PDE4B: variants seen among roughly 807,000 people sequenced by gnomAD.
The protein encoded by PDE4B is 3',5'-cyclic-AMP phosphodiesterase 4B.
A neutral mutation model predicts 82.2 loss-of-function variants in PDE4B; 20 were observed. The observed-to-expected ratio is 0.24, with a 90% confidence interval of 0.17 to 0.35. PDE4B has a LOEUF of 0.35. PDE4B is among the 10% of genes least tolerant of loss of function. The probability of loss-of-function intolerance (pLI) is 1.00; values close to 1 mark genes in which losing one functional copy is unlikely to be tolerated. For missense variants in PDE4B, 655 were observed against 907.2 expected, an observed-to-expected ratio of 0.72 and a Z score of 3.57; for synonymous variants, 320 against 318.9, an observed-to-expected ratio of 1.00 and a Z score of -0.04.
At chr1:65,817,180 C>G (rs142535595) in intron 1 of PDE4B, among the ~76,000 whole-genome samples, 504 of 152,198 alleles carry the variant, frequency 3.3e-3, no homozygotes, top group African/African-American at 9.2e-3. Flanking sequence ...GACAATCTCT[C>G]CCAGTTAAGT....
At chr1:66,135,103 C>T (rs1646030141) in intron 3 of PDE4B, among the ~76,000 whole-genome samples, 1 of 152,238 alleles carries the variant, frequency 6.6e-6, no homozygotes, top group Non-Finnish European at 1.5e-5. Flanking sequence ...AATGAACAGA[C>T]AGTGAAGCAG....
At chr1:66,189,700 T>C (rs924992673) in intron 3 of PDE4B, among the ~76,000 whole-genome samples, 2 of 152,228 alleles carry the variant, frequency 1.3e-5, no homozygotes, top group African/African-American at 4.8e-5. Flanking sequence ...CTTTAAGGAC[T>C]TCTCTGCATT....
intron 3 of PDE4B, among the ~76,000 whole-genome samples, chr1:66,095,817 A>G (rs977789984): frequency 2.0e-5 from 3 of 151,850 alleles, no homozygotes; most frequent in African/African-American, 7.2e-5. Context: ...AGTGTGGGAG[A>G]AAAGGTCTTT....
rs539287034 is a variant in PDE4B, at chr1:66,014,154, G to A, written c.281+95319G>A. On this transcript the variant is annotated intron_variant, in intron 3 of 16. Coordinates refer to ENST00000341517, the MANE Select transcript of PDE4B (RefSeq NM_002600.4). Reference sequence around the variant, plus strand: ...TTTAAAATTGGCTTGCTGTGTTGTTGTTGAGTTGTAGGAATTCTTTATATA... The same window carrying A: ...TTTAAAATTGGCTTGCTGTGTTGTTATTGAGTTGTAGGAATTCTTTATATA... Among the ~76,000 whole-genome samples, 28 of 152,130 alleles carry A rather than the reference G, an allele frequency of 1.8e-4. 1 individual carries two copies. Among genetic ancestry groups the A allele is most frequent in the African/African-American group, 6.5e-4 (27 of 41,534 alleles).
At chr1:66,058,762 G>A (rs115211719) in intron 3 of PDE4B, among the ~76,000 whole-genome samples, 1,777 of 152,266 alleles carry the variant, frequency 0.012, 38 homozygotes, top group African/African-American at 0.041. Context: ...GCCTGGGCCC[G>A]GGCCATGAAA....
intron 4 of PDE4B, 25 bp from the exon 5 acceptor site, chr1:66,257,622 G>A: frequency 6.2e-7 from 1 of 1,605,930 alleles, no homozygotes; most frequent in Non-Finnish European, 8.5e-7. Flanking sequence ...AATTTCTAAA[G>A]GTTCTTTTTT....
intron 3 of PDE4B, among the ~76,000 whole-genome samples, chr1:66,101,904 G>T (rs1376066130): frequency 2.0e-5 from 3 of 152,124 alleles, no homozygotes; most frequent in Non-Finnish European, 4.4e-5. Context: ...TGAAGTCCTT[G>T]CCCATGCCTA....
chr1:66,185,902 T>C (rs1405092211), intron 3 of PDE4B, among the ~76,000 whole-genome samples: 5 of 152,216 alleles, frequency 3.3e-5, no homozygotes, highest in Admixed American at 3.3e-4. Flanking sequence ...AGATATGAAG[T>C]CCTTGCCCAT....
intron 3 of PDE4B, among the ~76,000 whole-genome samples, chr1:65,984,757 A>AAAAC (rs1373363988): frequency 6.6e-6 from 1 of 152,144 alleles, no homozygotes; most frequent in South Asian, 2.1e-4. Flanking sequence ...TTCCATCTCA[A>AAAAC]AAACAAACAA....
intron 3 of PDE4B, among the ~76,000 whole-genome samples, chr1:66,122,536 G>T (rs1390916113): frequency 2.0e-5 from 3 of 151,968 alleles, no homozygotes; most frequent in Non-Finnish European, 2.9e-5. Context: ...CTGATTAAGT[G>T]GGTTAATTTT....
chr1:65,943,100 G>A (rs771552766), intron 3 of PDE4B, among the ~76,000 whole-genome samples: 4 of 151,966 alleles, frequency 2.6e-5, no homozygotes, highest in Admixed American at 1.3e-4. Context: ...CCAGTGTAAT[G>A]GAGCTTTTCC....
intron 3 of PDE4B, among the ~76,000 whole-genome samples, chr1:66,164,393 C>T (rs111261264): frequency 0.25 from 37,757 of 151,254 alleles, 5,156 homozygotes; most frequent in Non-Finnish European, 0.31. Context: ...AAAAATAGCC[C>T]GGCGTGGTGG....
chr1:66,072,167 A>G (rs1656188456), intron 3 of PDE4B, among the ~76,000 whole-genome samples: 1 of 152,084 alleles, frequency 6.6e-6, no homozygotes, highest in Non-Finnish European at 1.5e-5. Context: ...CTTCTCCTAT[A>G]AAGAAAATTC....
chr1:66,177,110 T>C (rs947003309), intron 3 of PDE4B, among the ~76,000 whole-genome samples: 13 of 152,168 alleles, frequency 8.5e-5, no homozygotes, highest in African/African-American at 2.7e-4. Flanking sequence ...AGTCTAACAG[T>C]GTGACAAGGG....
intron 1 of PDE4B, among the ~76,000 whole-genome samples, chr1:65,908,375 T>C (rs1258635855): frequency 2.6e-5 from 4 of 152,166 alleles, no homozygotes; most frequent in Admixed American, 2.6e-4. Context: ...ATGATTGGCT[T>C]GGGGCTGAAA....
At chr1:66,161,188 G>A (rs898812741) in intron 3 of PDE4B, among the ~76,000 whole-genome samples, 1 of 152,060 alleles carries the variant, frequency 6.6e-6, no homozygotes, top group African/African-American at 2.4e-5. Context: ...CATCAGCAGC[G>A]ATATAGATGA....
chr1:66,247,704 A>C, intron 4 of PDE4B, 50 bp downstream of exon 4: 1 of 1,366,196 alleles, frequency 7.3e-7, no homozygotes, highest in Non-Finnish European at 1.0e-6. Flanking sequence ...CCTCATCTCT[A>C]CCCAGGTCAC....
chr1:65,949,007 A>G (rs772121113), intron 3 of PDE4B, among the ~76,000 whole-genome samples: 6 of 151,986 alleles, frequency 3.9e-5, no homozygotes, highest in Admixed American at 6.6e-5. Context: ...AAAATGTTCT[A>G]TGAGCCCTTT....
At chr1:66,187,115 G>A (rs1185807860) in intron 3 of PDE4B, among the ~76,000 whole-genome samples, 1 of 152,210 alleles carries the variant, frequency 6.6e-6, no homozygotes, top group Non-Finnish European at 1.5e-5. Flanking sequence ...CGTTGGTTCT[G>A]TTTATATGCT....
Sources: gnomAD v4.1 joint callset for allele counts (sites outside exome capture counted in the v4.1 genomes callset) on GRCh38, gnomAD v4.1.1 for gene constraint, MANE v1.5 for transcripts, NCBI Gene and HGNC (gene_info 2026-07-23, HGNC 2026-07-21) for gene names.